The following SYTL3 variants were observed in gnomAD, a reference collection of about 807,000 sequenced individuals.
SYTL3 encodes the protein synaptotagmin-like protein 3.
Under a neutral mutation model 82.1 loss-of-function variants are expected in SYTL3, and 88 were observed. That is an observed-to-expected ratio of 1.07 (90% CI 0.90 to 1.28). SYTL3 has a LOEUF of 1.28. SYTL3 is among the 50% of genes most tolerant of loss of function. The probability of loss-of-function intolerance (pLI) is 0.00; values close to 1 mark genes in which losing one functional copy is unlikely to be tolerated. For synonymous variants in SYTL3, 311 were observed against 289.4 expected (o/e 1.07, Z -0.76); for missense variants, 831 against 757.6 (o/e 1.10, Z -1.14).
At chr6:158,746,012 G>A (rs530676179) in intron 12 of SYTL3, among the ~76,000 whole-genome samples, 5 of 152,248 alleles carry the variant, frequency 3.3e-5, no homozygotes, top group South Asian at 2.1e-4. Context: ...CTGGGAAGTC[G>A]AAGCTCAAGG....
At chr6:158,725,048 G>A (rs1396287310) in intron 10 of SYTL3, among the ~76,000 whole-genome samples, 1 of 152,110 alleles carries the variant, frequency 6.6e-6, no homozygotes, top group Non-Finnish European at 1.5e-5. Flanking sequence ...AATAAAAAAA[G>A]CATCAACTGT....
chr6:158,731,142 G>A (rs927636028), intron 11 of SYTL3, among the ~76,000 whole-genome samples: 2 of 151,820 alleles, frequency 1.3e-5, no homozygotes, highest in Admixed American at 6.6e-5. Flanking sequence ...AAATTAGCCG[G>A]GCATGGTGGC....
intron 11 of SYTL3, among the ~76,000 whole-genome samples, chr6:158,739,002 CT>C (rs1289083415): frequency 6.6e-6 from 1 of 152,196 alleles, no homozygotes; most frequent in Non-Finnish European, 1.5e-5. Flanking sequence ...GCATTCCCAC[CT>C]TTCCCCTCCC....
At chr6:158,759,519 G>A (rs555316107) in intron 14 of SYTL3, among the ~76,000 whole-genome samples, 55 of 152,252 alleles carry the variant, frequency 3.6e-4, no homozygotes, top group Non-Finnish European at 6.9e-4. Flanking sequence ...AGCCCGGGAC[G>A]GCTCTGTTTT....
chr6:158,681,969 C>T (rs1003504677), intron 5 of SYTL3, among the ~76,000 whole-genome samples: 5 of 152,176 alleles, frequency 3.3e-5, no homozygotes, highest in Non-Finnish European at 7.4e-5. Flanking sequence ...TGGAGGCCTG[C>T]TCTGTCACCC....
intron 6 of SYTL3, among the ~76,000 whole-genome samples, chr6:158,689,633 C>T (rs904865245): frequency 1.3e-5 from 2 of 151,078 alleles, no homozygotes; most frequent in African/African-American, 4.9e-5. Context: ...CATTAATTTT[C>T]TTCTAATTTT....
At position 158,743,566 on chromosome 6, in the gene SYTL3, C is replaced by T. The variant is rs150343344; in HGVS notation, c.856-1914C>T. On this transcript the variant is annotated intron_variant, in intron 11 of 17. Coordinates refer to ENST00000611299, the MANE Select transcript of SYTL3 (RefSeq NM_001242394.2). ...TCTCTTCTATCTTCACTTCTCATAC[C>T]TCACTCACTCATGCTGGTGCACCAG... is the stretch of plus-strand genomic sequence containing the variant. 1.4e-3 allele frequency among the ~76,000 whole-genome samples: 208 copies of T among 150,208 alleles called. 2 individuals are homozygous for T. The highest frequency in any genetic ancestry group is 4.8e-3 in the African/African-American group (195 of 40,776).
chr6:158,685,233 A>C (rs1457851119), intron 6 of SYTL3, among the ~76,000 whole-genome samples: 1 of 107,896 alleles, frequency 9.3e-6, no homozygotes, highest in Non-Finnish European at 1.8e-5. Context: ...TTTTTTTTTT[A>C]GATGGAGTCT....
At position 158,763,376 on chromosome 6, in the gene SYTL3, G is replaced by A. The variant is rs371956531; in HGVS notation, c.1590G>A (p.Gln530=). 218 of 1,614,128 alleles carry A rather than the reference G, an allele frequency of 1.4e-4. 1 individual carries two copies. The highest frequency in any genetic ancestry group is 6.6e-4 in the Middle Eastern group (4 of 6,084). Residue 530 remains glutamine (Q), a synonymous_variant, in exon 17 of 18, where the codon CAG becomes CAA. Coordinates refer to ENST00000611299, the MANE Select transcript of SYTL3 (RefSeq NM_001242394.2). ...SPVLRKQACP[Q]WKHSFVFSGV... ...TCCTGAGGAAGCAGGCTTGCCCCCA[G>A]TGGAAACACTCATTTGTCTTCAGTG...
intron 6 of SYTL3, among the ~76,000 whole-genome samples, chr6:158,693,873 T>TTTTTTTAG (rs61163570): frequency 7.6e-6 from 1 of 132,444 alleles, no homozygotes; most frequent in Admixed American, 7.3e-5. Context: ...TTTTTTTTTT[T>TTTTTTTAG]GTAGATACAG....
chr6:158,647,902 G>C (rs990521247), upstream of SYTL3, among the ~76,000 whole-genome samples: 1 of 152,224 alleles, frequency 6.6e-6, no homozygotes, highest in Non-Finnish European at 1.5e-5. Context: ...CTTGAATACA[G>C]ACTGTGGGAC....
upstream of SYTL3, among the ~76,000 whole-genome samples, chr6:158,647,529 C>G (rs1583090364): frequency 2.6e-5 from 4 of 152,284 alleles, no homozygotes; most frequent in Middle Eastern, 0.01. Context: ...TTTGAATTCT[C>G]TAGGCTTATG....
chr6:158,749,657 A>G (rs545622615), intron 12 of SYTL3, among the ~76,000 whole-genome samples: 215 of 151,666 alleles, frequency 1.4e-3, no homozygotes, highest in African/African-American at 4.9e-3. Flanking sequence ...AGCCAATTAA[A>G]AAAAATTTTC....
intron 2 of SYTL3, among the ~76,000 whole-genome samples, chr6:158,652,995 G>A (rs973720344): frequency 1.3e-5 from 2 of 152,272 alleles, no homozygotes; most frequent in Admixed American, 1.3e-4. Flanking sequence ...GGTGTCATTC[G>A]CTTCCCAGAA....
intron 9 of SYTL3, 70 bp from the exon 10 acceptor site, chr6:158,718,017 A>G (rs1783624896): frequency 7.0e-7 from 1 of 1,423,078 alleles, no homozygotes; most frequent in African/African-American, 1.5e-5. Flanking sequence ...AGTGAACCCC[A>G]GAAGAGGCTC....
intron 8 of SYTL3, among the ~76,000 whole-genome samples, chr6:158,711,831 T>C (rs936992655): frequency 2.0e-5 from 3 of 152,028 alleles, no homozygotes; most frequent in African/African-American, 7.2e-5. Flanking sequence ...CTGGTGGGAG[T>C]GTAGCAGTGA....
chr6:158,660,259 C>T (rs759852424), intron 2 of SYTL3, among the ~76,000 whole-genome samples: 8 of 151,960 alleles, frequency 5.3e-5, no homozygotes, highest in Non-Finnish European at 8.8e-5. Flanking sequence ...AGCAATACTC[C>T]GTCTCAAAAA....
intron 15 of SYTL3, among the ~76,000 whole-genome samples, chr6:158,761,661 G>A (rs897727291): frequency 2.9e-4 from 44 of 152,164 alleles, no homozygotes; most frequent in African/African-American, 1.1e-3. Flanking sequence ...GGCTAGAAGA[G>A]GAAATTCTGC....
At chr6:158,762,213 A>G (rs753217458) in intron 16 of SYTL3, 35 bp downstream of exon 16, 1 of 1,487,652 alleles carries the variant, frequency 6.7e-7, no homozygotes, top group Non-Finnish European at 9.4e-7. Context: ...TTTATTGGTG[A>G]TCTAGTATAC....
Sources: allele counts gnomAD v4.1 joint callset (sites outside exome capture counted in the v4.1 genomes callset), GRCh38; gene constraint gnomAD v4.1.1; transcripts MANE v1.5; gene names NCBI Gene and HGNC (gene_info 2026-07-23, HGNC 2026-07-21).